The following BTD variants were observed in gnomAD, a reference collection of about 807,000 sequenced individuals.
The protein encoded by BTD is biotinidase, also known as biocytinase.
A neutral mutation model predicts 17.7 loss-of-function variants in BTD; 13 were observed. That is an observed-to-expected ratio of 0.74 (90% CI 0.48 to 1.17). BTD has a LOEUF of 1.17. Among genes scored for constraint, BTD ranks in the 50% most tolerant of loss-of-function variants. BTD has a pLI of 0.00. For missense variants in BTD, 674 were observed against 650.4 expected, an observed-to-expected ratio of 1.04 and a Z score of -0.39; for synonymous variants, 240 against 245.2, an observed-to-expected ratio of 0.98 and a Z score of 0.20.
downstream of BTD, chr3:15,714,547 A>AAAC (rs200662705): frequency 1.4e-4 from 204 of 1,463,536 alleles, no homozygotes; most frequent in South Asian, 2.6e-4. Context: ...AAAAAAAAAA[A>AAAC]CCCCAAAAAA....
At chr3:15,709,730 C>T in intron 3 of BTD, 2 of 1,561,460 alleles carry the variant, frequency 1.3e-6, no homozygotes, top group Non-Finnish European at 1.7e-6. Flanking sequence ...TTAGGCACTC[C>T]AAATTCCTAT....
At chr3:15,679,206 G>T in intron 3 of BTD, 1 of 1,193,466 alleles carries the variant, frequency 8.4e-7, no homozygotes, top group Non-Finnish European at 1.2e-6. Context: ...CTGGCTTCAA[G>T]TCATCCTCCC....
chr3:15,690,208 G>A, intron 3 of BTD: 1 of 1,598,368 alleles, frequency 6.3e-7, no homozygotes, highest in Non-Finnish European at 8.5e-7. Flanking sequence ...GCTTGATGGT[G>A]ACCATGATAG....
At chr3:15,711,269 C>A (rs1285937135) in exon 4 of BTD, 2 of 1,609,910 alleles carry the variant, frequency 1.2e-6, no homozygotes, top group Non-Finnish European at 1.7e-6. Flanking sequence ...GTATCTATAT[C>A]AAATCCTACA....
chr3:15,641,822 C>A, intron 2 of BTD, 86 bp from the exon 3 acceptor site: 2 of 1,082,830 alleles, frequency 1.8e-6, no homozygotes, highest in Non-Finnish European at 1.4e-6. Flanking sequence ...TGATGGTTGC[C>A]AAAAGAATGA....
At chr3:15,671,984 ATGT>A (rs1166873776) in intron 3 of BTD, among the ~76,000 whole-genome samples, 1 of 152,144 alleles carries the variant, frequency 6.6e-6, no homozygotes, top group African/African-American at 2.4e-5. Flanking sequence ...AAATTTATCA[ATGT>A]TGTATGTAAC....
chr3:15,633,244 G>A (rs1051496100), intron 1 of BTD, among the ~76,000 whole-genome samples: 2 of 151,978 alleles, frequency 1.3e-5, no homozygotes, highest in Admixed American at 1.3e-4. Flanking sequence ...CAAGGTTGGT[G>A]GAATCCATGG....
chr3:15,614,121 C>CTTTTTTTTTTTTTTTTT (rs1389454960), intron 1 of BTD, among the ~76,000 whole-genome samples: 1 of 131,726 alleles, frequency 7.6e-6, no homozygotes. Flanking sequence ...CTCTTTCTTT[C>CTTTTTTTTTTTTTTTTT]TTTCTTTTTT....
At chr3:15,689,897 T>A in intron 3 of BTD, 1 of 858,646 alleles carries the variant, frequency 1.2e-6, no homozygotes. Flanking sequence ...AATCCATATA[T>A]GATTTGAAAA....
intron 3 of BTD, chr3:15,677,471 T>C: frequency 6.3e-7 from 1 of 1,594,970 alleles, no homozygotes; most frequent in East Asian, 2.2e-5. Flanking sequence ...TCTTAAGATG[T>C]ATACATACCT....
chr3:15,608,760 G>A (rs1186960490), intron 1 of BTD, among the ~76,000 whole-genome samples: 7 of 144,636 alleles, frequency 4.8e-5, no homozygotes, highest in Non-Finnish European at 9.0e-5. Context: ...GCGAGACTCC[G>A]TCTCAAAAAA....
rs2064255306 is a variant in BTD, at chr3:15,601,835, G to A, written c.-76G>A. On this transcript the variant is annotated 5_prime_UTR_variant, in exon 1 of 4. Coordinates refer to ENST00000643237, the MANE Select transcript of BTD (RefSeq NM_001370658.1). ...GAGTCGGCCAGCTGGAGCGTTTTCG[G>A]GGCTGTAAAGGGAGAATGGCGCATG... 6.2e-6 allele frequency: 10 copies of A among 1,614,116 alleles called. No individual in the cohort carries two copies. The highest frequency in any genetic ancestry group is 8.5e-6 in the Non-Finnish European group (10 of 1,180,058).
rs587783004 is a variant in BTD at position 15,644,539 on chromosome 3, A to G, written c.623A>G (p.Asp208Gly). 1 of 1,614,034 alleles carries G rather than the reference A, an allele frequency of 6.2e-7. No homozygotes were observed. The highest frequency in any genetic ancestry group is 8.5e-7 in the Non-Finnish European group (1 of 1,180,000). ...EAAFDVPLKVDLITFDTPFAG... is the reference protein window; with the variant it reads ...EAAFDVPLKVGLITFDTPFAG... ...GCATTCGATGTTCCTCTTAAAGTGGATCTCATCACCTTTGATACCCCCTTT... is the reference window on the plus strand; with the variant it reads ...GCATTCGATGTTCCTCTTAAAGTGGGTCTCATCACCTTTGATACCCCCTTT... The change falls in exon 4 of 4, where the codon GAT becomes GGT. Residue 208 changes from aspartate (D) to glycine (G), a missense_variant. Coordinates refer to ENST00000643237, the MANE Select transcript of BTD (RefSeq NM_001370658.1).
At chr3:15,639,139 A>G (rs554814967) in intron 2 of BTD, among the ~76,000 whole-genome samples, 4 of 152,070 alleles carry the variant, frequency 2.6e-5, no homozygotes, top group Non-Finnish European at 5.9e-5. Flanking sequence ...TGCTGAAGCC[A>G]TTTATCAAGA....
intron 3 of BTD, among the ~76,000 whole-genome samples, chr3:15,707,564 T>C (rs1229183832): frequency 6.6e-6 from 1 of 152,186 alleles, no homozygotes. Flanking sequence ...TCTGATGACA[T>C]TACTCATATA....
At chr3:15,629,031 G>A (rs1246602764) in intron 1 of BTD, among the ~76,000 whole-genome samples, 1 of 152,058 alleles carries the variant, frequency 6.6e-6, no homozygotes, top group Non-Finnish European at 1.5e-5. Flanking sequence ...AATTGTTTAG[G>A]GGAGATTTTT....
At chr3:15,655,016 A>G (rs2065857967), downstream of BTD, among the ~76,000 whole-genome samples, 1 of 152,210 alleles carries the variant, frequency 6.6e-6, no homozygotes, top group Non-Finnish European at 1.5e-5. Flanking sequence ...TATAGGCATG[A>G]GCCACCGCGC....
upstream of BTD, chr3:15,601,372 G>A: frequency 1.9e-6 from 3 of 1,614,070 alleles, no homozygotes; most frequent in Middle Eastern, 1.6e-4. Context: ...TTCCAGGAAG[G>A]TCCATCGTAC....
chr3:15,694,873 C>T (rs2069313555), intron 3 of BTD: 31 of 1,497,240 alleles, frequency 2.1e-5, no homozygotes, highest in Non-Finnish European at 2.7e-5. Context: ...TATTCTCTCC[C>T]ACCCACCCAG....
Sources: allele counts gnomAD v4.1 joint callset (sites outside exome capture counted in the v4.1 genomes callset), GRCh38; gene constraint gnomAD v4.1.1; transcripts MANE v1.5; gene names NCBI Gene and HGNC (gene_info 2026-07-23, HGNC 2026-07-21).